The following SH3BGR variants were observed in gnomAD, a reference collection of about 807,000 sequenced individuals.
The protein encoded by SH3BGR is SH3 domain binding glutamate rich protein.
Under a neutral mutation model 24.5 loss-of-function variants are expected in SH3BGR, and 29 were observed. The observed-to-expected ratio is 1.18, with a 90% confidence interval of 0.88 to 1.61. The LOEUF (loss-of-function observed/expected upper bound fraction) is 1.61. Ranked by LOEUF, SH3BGR falls within the 40% of genes most tolerant of loss-of-function variation. SH3BGR has a pLI of 0.00. For missense variants in SH3BGR, 162 were observed against 205.8 expected, an observed-to-expected ratio of 0.79 and a Z score of 1.30; for synonymous variants, 55 against 65.7, an observed-to-expected ratio of 0.84 and a Z score of 0.79.
intron 3 of SH3BGR, among the ~76,000 whole-genome samples, chr21:39,485,460 A>T (rs2078194554): frequency 6.6e-6 from 1 of 152,210 alleles, no homozygotes; most frequent in African/African-American, 2.4e-5. Context: ...GAAAGCAAAA[A>T]GGGCTTCCTT....
rs148554210 is a variant in SH3BGR at position 39,511,681 on chromosome 21, C to T, written c.437C>T (p.Thr146Met). The T allele has an allele frequency of 3.9e-4, 634 of 1,609,350 alleles. 2 individuals are homozygous for T. In the African/African-American group the frequency reaches 4.7e-3, roughly 12 times the overall value. ...TAATGTAAGTTTTGTTAAAATAAGA[C>T]GGAAGAAATAGCCATGGAGGGTGCG... ...EEEGETATEETEEIAMEGAEG... is the reference protein window; with the variant it reads ...EEEGETATEEMEEIAMEGAEG... The change falls in exon 6 of 7, where the codon ACG becomes ATG. Residue 146 changes from threonine to methionine, a missense_variant and splice_region_variant. Physicochemically the swap from Thr to Met is moderately conservative, Grantham distance 81 (BLOSUM62 -1). Coordinates refer to ENST00000333634, the MANE Select transcript of SH3BGR (RefSeq NM_007341.3). This position sits in a 1 kb window ranked among gnomAD's most constrained non-coding sequence, Gnocchi z 4.2.
intron 3 of SH3BGR, among the ~76,000 whole-genome samples, chr21:39,499,260 G>GTCTATCTATCTATCTATCTATCTA (rs1003678448): frequency 6.6e-6 from 1 of 151,516 alleles, no homozygotes; most frequent in Admixed American, 6.6e-5. Context: ...TCTATCATCT[G>GTCTATCTATCTATCTATCTATCTA]TCTATCTGTC....
At chr21:39,485,833 G>A (rs969167473) in intron 3 of SH3BGR, among the ~76,000 whole-genome samples, 33 of 151,940 alleles carry the variant, frequency 2.2e-4, no homozygotes, top group African/African-American at 7.0e-4. Context: ...GACTACAGGC[G>A]CCCGCCACCA....
At chr21:39,465,583 A>T (rs1436922665) in intron 2 of SH3BGR, among the ~76,000 whole-genome samples, 1 of 151,928 alleles carries the variant, frequency 6.6e-6, no homozygotes, top group Non-Finnish European at 1.5e-5. Flanking sequence ...ATAGCTGCCC[A>T]TGCTTATTTT....
chr21:39,460,166 GA>G (rs1354307910), intron 1 of SH3BGR, among the ~76,000 whole-genome samples: 4 of 152,186 alleles, frequency 2.6e-5, no homozygotes, highest in African/African-American at 9.6e-5. Context: ...TGAACTCAGA[GA>G]GGAGCCAGGT....
intron 3 of SH3BGR, among the ~76,000 whole-genome samples, chr21:39,484,373 G>A (rs972963795): frequency 6.6e-6 from 1 of 152,154 alleles, no homozygotes. Flanking sequence ...GAGATATTCA[G>A]CACCATTCTT....
chr21:39,513,014 A>T (rs1026936872), intron 6 of SH3BGR, among the ~76,000 whole-genome samples: 5 of 152,186 alleles, frequency 3.3e-5, no homozygotes, highest in South Asian at 2.1e-4. Flanking sequence ...TAAAAAATTT[A>T]AAAAAGTTTA....
Position 39,462,470 on chromosome 21 carries a change from G to A in SH3BGR, c.141G>A (p.Arg47=), listed in dbSNP as rs763708831. The change falls in exon 2 of 7, where the codon AGG becomes AGA. Residue 47 remains arginine, a synonymous_variant. Coordinates refer to ENST00000333634, the MANE Select transcript of SH3BGR (RefSeq NM_007341.3). ...LDIAGDEDNR[R]WMRENVPGEK... is the part of the protein sequence containing the mutation. Reference sequence around the variant, plus strand: ...TTGCTGGAGATGAAGACAACAGGAGGTGGATGAGAGAGAATGTTCCTGGAG... The same window carrying A: ...TTGCTGGAGATGAAGACAACAGGAGATGGATGAGAGAGAATGTTCCTGGAG... The A allele has an allele frequency of 6.2e-7, 1 of 1,608,428 alleles. No individual in the cohort carries two copies. Among genetic ancestry groups the A allele is most frequent in the Non-Finnish European group, 8.5e-7 (1 of 1,178,736 alleles).
intron 4 of SH3BGR, among the ~76,000 whole-genome samples, chr21:39,503,417 T>TA (rs2078530175): frequency 3.3e-5 from 5 of 151,050 alleles, no homozygotes; most frequent in African/African-American, 7.3e-5. Context: ...TACCTTTTTT[T>TA]TAAAAAAACC....
chr21:39,470,039 C>T (rs1490674408), intron 2 of SH3BGR, among the ~76,000 whole-genome samples: 2 of 151,960 alleles, frequency 1.3e-5, no homozygotes, highest in Non-Finnish European at 1.5e-5. Context: ...ATTATGAGTA[C>T]ATTTGGAGTT....
chr21:39,482,922 G>A (rs1393415590), intron 3 of SH3BGR, among the ~76,000 whole-genome samples: 1 of 152,170 alleles, frequency 6.6e-6, no homozygotes, highest in Non-Finnish European at 1.5e-5. Flanking sequence ...TTCCCACCTT[G>A]GCCTCCCAAA....
At chr21:39,512,810 AAAAAAC>A (rs1428952374) in intron 6 of SH3BGR, among the ~76,000 whole-genome samples, 21 of 152,096 alleles carry the variant, frequency 1.4e-4, no homozygotes, top group Non-Finnish European at 7.4e-5. Flanking sequence ...AAACAAAAAC[AAAAAAC>A]AAAACAAAAC....
intron 3 of SH3BGR, 77 bp from the exon 4 acceptor site, chr21:39,499,746 C>T: frequency 9.7e-7 from 1 of 1,030,920 alleles, no homozygotes. Context: ...AATAAGAAAG[C>T]CACAGCATAT....
In SH3BGR at chr21:39,481,511, T is replaced by C. The variant is rs149191034; in HGVS notation, c.312+6296T>C. 3.0e-3 allele frequency among the ~76,000 whole-genome samples: 458 copies of C among 152,322 alleles called. 3 individuals carry two copies. The highest frequency in any genetic ancestry group is 0.011 in the African/African-American group (439 of 41,562). On this transcript the variant is annotated intron_variant, in intron 3 of 6. Transcript: ENST00000333634. Reference sequence around the variant, plus strand: ...GGCTCATAATCTGTAGACCTAGAATTTGATTTCAACATTTTCTGATTATTA... The same window carrying C: ...GGCTCATAATCTGTAGACCTAGAATCTGATTTCAACATTTTCTGATTATTA...
At position 39,499,896 on chromosome 21, in the gene SH3BGR, C is replaced by G. The variant is rs762042578; in HGVS notation, c.386C>G (p.Pro129Arg). 1 of 1,612,926 alleles carries G rather than the reference C, an allele frequency of 6.2e-7. No individual in the cohort carries two copies. Among genetic ancestry groups the G allele is most frequent in the South Asian group, 1.1e-5 (1 of 91,030 alleles). ...KEGSEDVGNL[P>R]EAQEKNEEEG... ...GGCAGTGAAGATGTGGGCAACCTCC[C>G]TGAAGCCCAGGAGAAGAATGTGAGT... The change falls in exon 4 of 7, where the codon CCT becomes CGT. Residue 129 changes from proline (P) to arginine (R), a missense_variant. By Grantham distance (103) the Pro-to-Arg change is moderately radical. Transcript: ENST00000333634.
chr21:39,459,288 G>A (rs556489608), intron 1 of SH3BGR, among the ~76,000 whole-genome samples: 14 of 150,956 alleles, frequency 9.3e-5, no homozygotes, highest in African/African-American at 3.2e-4. Flanking sequence ...GCAGTGGCAC[G>A]ATATCTGCTC....
At chr21:39,502,291 G>A (rs1351389820) in intron 4 of SH3BGR, among the ~76,000 whole-genome samples, 2 of 152,212 alleles carry the variant, frequency 1.3e-5, no homozygotes, top group Non-Finnish European at 2.9e-5. Flanking sequence ...AGAGCTCTGT[G>A]TGTTTTGAAC....
intron 2 of SH3BGR, among the ~76,000 whole-genome samples, chr21:39,463,203 T>C (rs2148462723): frequency 6.6e-6 from 1 of 152,312 alleles, no homozygotes; most frequent in African/African-American, 2.4e-5. Flanking sequence ...TTTTATAAAA[T>C]TGATTTGTAG....
chr21:39,496,950 G>A (rs1294591763), intron 3 of SH3BGR, among the ~76,000 whole-genome samples: 1 of 151,796 alleles, frequency 6.6e-6, no homozygotes, highest in Non-Finnish European at 1.5e-5. Context: ...TTAATTTTTG[G>A]AACTAAGAAA....
Sources: gnomAD v4.1 joint callset for allele counts (sites outside exome capture counted in the v4.1 genomes callset) on GRCh38, gnomAD v4.1.1 for gene constraint, Gnocchi (gnomAD v3.1) non-coding constraint, MANE v1.5 for transcripts, NCBI Gene and HGNC (gene_info 2026-07-23, HGNC 2026-07-21) for gene names.